RRM2: variants seen among roughly 807,000 people sequenced by gnomAD.
RRM2 encodes ribonucleoside-diphosphate reductase subunit M2.
In RRM2, 6 loss-of-function variants were observed where a neutral mutation model predicts 45.9. The observed-to-expected ratio is 0.13, with a 90% CI of 0.07 to 0.26. The LOEUF (loss-of-function observed/expected upper bound fraction) is 0.26. RRM2 is among the 10% of genes least tolerant of loss of function. The pLI is 1.00. For missense variants in RRM2, 343 were observed against 489.5 expected (o/e 0.70, Z 2.82); for synonymous variants, 177 against 173.0 (o/e 1.02, Z -0.18).
chr2:10,176,706 G>A (rs1329082386), intron 3 of RRM2, among the ~76,000 whole-genome samples: 1 of 152,206 alleles, frequency 6.6e-6, no homozygotes, highest in Non-Finnish European at 1.5e-5. Flanking sequence ...TATAATTGCT[G>A]TGTTAAGGAT....
In RRM2 at chr2:10,127,231, G is replaced by C. The variant is rs1157889151; in HGVS notation, c.798+11G>C. 4 of 1,610,980 alleles carry C rather than the reference G, an allele frequency of 2.5e-6. No individual in the cohort carries two copies. Among genetic ancestry groups the C allele is most frequent in the Non-Finnish European group, 3.4e-6 (4 of 1,179,084 alleles). ...ATTAGCAGAGATGAGGTGAGTCTAA[G>C]TCAAATAATAGGGTGACCTAAACCC... On this transcript the variant is annotated intron_variant, in intron 7 of 9. Transcript: ENST00000304567. The surrounding 1 kb of genome is among the most constrained non-coding windows in gnomAD (Gnocchi z 4.1).
In RRM2 at chr2:10,157,016, C is replaced by CTTTTTTTTT. The variant is rs71391198; in HGVS notation, n.482+14656_482+14664dup. On this transcript the variant is annotated intron_variant and non_coding_transcript_variant, in intron 3 of 3. Transcript: ENST00000381786. ...GGGAGTTTCTGAGCTCAGCCCATTTCTTTTTTTTTTTTTTTTTTTTTTTGA... is the reference window on the plus strand; with the variant it reads ...GGGAGTTTCTGAGCTCAGCCCATTTCTTTTTTTTTTTTTTTTTTTTTTTTTTTTTTTTGA... Among the ~76,000 whole-genome samples the CTTTTTTTTT allele has an allele frequency of 7.5e-3, 641 of 85,856 alleles. 23 individuals carry two copies. Among genetic ancestry groups the CTTTTTTTTT allele is most frequent in the Non-Finnish European group, 0.01 (492 of 48,322 alleles). The allele number at this position is 85,856 out of a possible 152,430, so 56.3% of individuals were successfully genotyped here.
At chr2:10,143,572 C>T (rs532477090) in intron 3 of RRM2, among the ~76,000 whole-genome samples, 6 of 152,300 alleles carry the variant, frequency 3.9e-5, no homozygotes, top group African/African-American at 9.6e-5. Flanking sequence ...GTGTCTGACA[C>T]GGTAACGTGC....
rs1180173933 is a variant in RRM2 at position 10,172,905 on chromosome 2, CG to C, written n.482+30534del. 6.6e-6 allele frequency among the ~76,000 whole-genome samples: 1 copy of C among 152,210 alleles called. No individual in the cohort carries two copies. The highest frequency in any genetic ancestry group is 1.5e-5 in the Non-Finnish European group (1 of 68,044). Reference sequence around the variant, plus strand: ...CCGGTGATGCCAACCCCCTGAGTCCCGGGGAACAGTGGCAAATCAGCACTCA... The same window carrying C: ...CCGGTGATGCCAACCCCCTGAGTCCCGGGAACAGTGGCAAATCAGCACTCA... On this transcript the variant is annotated intron_variant and non_coding_transcript_variant, in intron 3 of 3. Coordinates refer to the RRM2 transcript ENST00000381786. The surrounding 1 kb of genome is among the most constrained non-coding windows in gnomAD (Gnocchi z 4.9).
chr2:10,186,883 T>C (rs930311522), intron 3 of RRM2, among the ~76,000 whole-genome samples: 2 of 152,222 alleles, frequency 1.3e-5, no homozygotes, highest in African/African-American at 4.8e-5. Flanking sequence ...ACACGTCTTC[T>C]GTGCTCCATG....
chr2:10,168,036 G>GTTTTT (rs746974999), intron 3 of RRM2, among the ~76,000 whole-genome samples: 16 of 134,462 alleles, frequency 1.2e-4, no homozygotes, highest in African/African-American at 4.2e-4. Flanking sequence ...AGGCTTTTCT[G>GTTTTT]TTTTTTTTTT....
At chr2:10,177,786 T>G (rs1210662487) in intron 3 of RRM2, among the ~76,000 whole-genome samples, 3 of 151,756 alleles carry the variant, frequency 2.0e-5, no homozygotes, top group African/African-American at 7.3e-5. Context: ...CACGTCTGTT[T>G]AATTTTTGTA....
At chr2:10,182,764 G>T (rs1664087173) in intron 3 of RRM2, among the ~76,000 whole-genome samples, 1 of 152,186 alleles carries the variant, frequency 6.6e-6, no homozygotes, top group South Asian at 2.1e-4. Context: ...TCCCTCCCAG[G>T]TCATCACCGT....
At chr2:10,201,927 T>C (rs755816367) in intron 3 of RRM2, among the ~76,000 whole-genome samples, 3 of 152,248 alleles carry the variant, frequency 2.0e-5, no homozygotes, top group Non-Finnish European at 4.4e-5. Context: ...TAGTGTACTA[T>C]GAATGTTAAA....
intron 4 of RRM2, 114 bp from the exon 5 acceptor site, chr2:10,124,603 A>G (rs1480926113): frequency 1.8e-6 from 2 of 1,133,778 alleles, no homozygotes; most frequent in Non-Finnish European, 2.5e-6. Flanking sequence ...TGGATGAAAT[A>G]TATATAGAAA....
intron 3 of RRM2, among the ~76,000 whole-genome samples, chr2:10,187,678 G>T (rs1332285505): frequency 2.6e-5 from 4 of 152,178 alleles, no homozygotes; most frequent in Non-Finnish European, 5.9e-5. Flanking sequence ...GTAAAACAGG[G>T]ATTGTGGTGC....
At chr2:10,175,680 C>G (rs1663900835) in intron 3 of RRM2, among the ~76,000 whole-genome samples, 1 of 152,196 alleles carries the variant, frequency 6.6e-6, no homozygotes, top group African/African-American at 2.4e-5. Context: ...TTACGGCAAC[C>G]TCCGCCTCCC....
At chr2:10,140,697 C>T (rs1051693861), upstream of RRM2, among the ~76,000 whole-genome samples, 4 of 152,150 alleles carry the variant, frequency 2.6e-5, no homozygotes, top group Non-Finnish European at 5.9e-5. Flanking sequence ...ACTGTGCTTA[C>T]GTTGTCATAA....
At chr2:10,154,729 C>T (rs796885327) in intron 3 of RRM2, among the ~76,000 whole-genome samples, 98 of 114,504 alleles carry the variant, frequency 8.6e-4, no homozygotes, top group African/African-American at 3.0e-3. Context: ...GTGTTTCACT[C>T]TTGTTGCCCA....
chr2:10,143,674 A>AT (rs925582369), intron 3 of RRM2, among the ~76,000 whole-genome samples: 29 of 148,340 alleles, frequency 2.0e-4, no homozygotes, highest in Middle Eastern at 7.0e-3. Context: ...CCTCTGCACA[A>AT]TTTTTTTTTT....
chr2:10,210,052 A>G (rs1298997097), intron 3 of RRM2, among the ~76,000 whole-genome samples: 2 of 152,018 alleles, frequency 1.3e-5, no homozygotes, highest in African/African-American at 2.4e-5. Context: ...CCCCAAGCCA[A>G]TGCCCTCCCT....
At position 10,169,653 on chromosome 2, in the gene RRM2, T is replaced by G. The variant is rs1326853125; in HGVS notation, n.482+27278T>G. On this transcript the variant is annotated intron_variant and non_coding_transcript_variant, in intron 3 of 3. Coordinates refer to the RRM2 transcript ENST00000381786. This position sits in a 1 kb window ranked among gnomAD's most constrained non-coding sequence, Gnocchi z 5.1. The stretch of plus-strand genomic sequence containing the variant: ...AGCTGGCAGGCACGGCCACAGAATA[T>G]GCGCCCCTTTCCTGGCCCCCTCGAG... Among the ~76,000 whole-genome samples, 1 of 152,116 alleles carries G rather than the reference T, an allele frequency of 6.6e-6. No homozygotes were observed. The highest frequency in any genetic ancestry group is 1.5e-5 in the Non-Finnish European group (1 of 68,014).
At chr2:10,209,377 T>C (rs1320684569) in intron 3 of RRM2, among the ~76,000 whole-genome samples, 2 of 152,066 alleles carry the variant, frequency 1.3e-5, no homozygotes. Context: ...GTTTCTATAG[T>C]ACAAAGCCGG....
intron 3 of RRM2, among the ~76,000 whole-genome samples, chr2:10,196,149 C>T (rs1292426648): frequency 6.6e-6 from 1 of 152,130 alleles, no homozygotes; most frequent in Non-Finnish European, 1.5e-5. Context: ...CTGGCAAGAC[C>T]CTGCGGCACT....
Sources: allele counts gnomAD v4.1 joint callset (sites outside exome capture counted in the v4.1 genomes callset), GRCh38; gene constraint gnomAD v4.1.1; non-coding constraint Gnocchi (gnomAD v3.1); transcripts MANE v1.5; gene names NCBI Gene and HGNC (gene_info 2026-07-23, HGNC 2026-07-21).